Variants in RASGRF1 observed in about 807,000 individuals in gnomAD.
RASGRF1 encodes the protein Ras protein specific guanine nucleotide releasing factor 1.
RASGRF1 carries 40 observed loss-of-function variants against 138.7 expected under a neutral mutation model. The ratio of observed to expected loss-of-function variants is 0.29; its 90% CI spans 0.22 to 0.38. RASGRF1 has a LOEUF of 0.38. Among genes scored for constraint, RASGRF1 ranks in the 10% least tolerant of loss-of-function variants. The pLI, the probability that RASGRF1 is intolerant of heterozygous loss-of-function variation, is 1.00. For synonymous variants in RASGRF1, 614 were observed against 663.2 expected, an observed-to-expected ratio of 0.93 and a Z score of 1.14; for missense variants, 1,108 against 1,650.4, an observed-to-expected ratio of 0.67 and a Z score of 5.69.
intron 6 of RASGRF1, among the ~76,000 whole-genome samples, chr15:79,033,425 G>GT (rs1053632076): frequency 1.3e-5 from 2 of 151,396 alleles, no homozygotes; most frequent in Non-Finnish European, 2.9e-5. Flanking sequence ...GAATTTTTGT[G>GT]TTTTTTGTAG....
intron 13 of RASGRF1, among the ~76,000 whole-genome samples, chr15:79,010,018 C>T (rs1257025700): frequency 6.6e-6 from 1 of 150,942 alleles, no homozygotes; most frequent in Admixed American, 6.6e-5. Context: ...CCACTGCACC[C>T]AGCCTCTTTG....
intron 14 of RASGRF1, 102 bp from the exon 15 acceptor site, chr15:79,004,277 T>G: frequency 7.3e-7 from 1 of 1,378,838 alleles, no homozygotes; most frequent in South Asian, 1.4e-5. Context: ...CAGCAACGGC[T>G]CCATCATTCT....
chr15:79,082,300 T>C (rs2057924506), intron 1 of RASGRF1, among the ~76,000 whole-genome samples: 1 of 152,178 alleles, frequency 6.6e-6, no homozygotes. Context: ...TCACCCTGTC[T>C]AGTGAACTGT....
At chr15:79,016,324 G>A (rs1008581418) in intron 12 of RASGRF1, among the ~76,000 whole-genome samples, 5 of 152,228 alleles carry the variant, frequency 3.3e-5, no homozygotes, top group African/African-American at 1.2e-4. Context: ...GCAAGGCCAC[G>A]ACCCCAAAGA....
intron 24 of RASGRF1, chr15:78,979,097 T>C (rs1276495339): frequency 7.8e-7 from 1 of 1,289,768 alleles, no homozygotes; most frequent in Non-Finnish European, 1.0e-6. Context: ...GACGGACAAG[T>C]TGGTGAATGC....
intron 24 of RASGRF1, among the ~76,000 whole-genome samples, chr15:78,975,106 G>A (rs1231798315): frequency 6.6e-6 from 1 of 152,164 alleles, no homozygotes; most frequent in African/African-American, 2.4e-5. Context: ...GTGAAAAAGG[G>A]CCGAGTGGTG....
chr15:79,090,556 C>G lies in RASGRF1; in HGVS notation c.-58G>C. ...TACATCTTCTCCGCGCAGCAGCCCCCCGTCCGTGCGCGCTGCGCGCTGCCT... is the reference window on the plus strand; with the variant it reads ...TACATCTTCTCCGCGCAGCAGCCCCGCGTCCGTGCGCGCTGCGCGCTGCCT... On this transcript the variant is annotated 5_prime_UTR_variant, in exon 1 of 27. Coordinates refer to ENST00000558480, the MANE Select transcript of RASGRF1 (RefSeq NM_001145648.3). 6.3e-7 allele frequency: 1 copy of G among 1,578,860 alleles called. No homozygotes were observed. Among genetic ancestry groups the G allele is most frequent in the Non-Finnish European group, 8.6e-7 (1 of 1,164,354 alleles).
chr15:78,984,240 G>A (rs2141635032), intron 23 of RASGRF1, among the ~76,000 whole-genome samples: 1 of 152,262 alleles, frequency 6.6e-6, no homozygotes, highest in Non-Finnish European at 1.5e-5. Flanking sequence ...TTGTGCTTGG[G>A]GGCTTGCCCT....
At chr15:79,086,612 C>A (rs2057984467) in intron 1 of RASGRF1, among the ~76,000 whole-genome samples, 1 of 151,574 alleles carries the variant, frequency 6.6e-6, no homozygotes, top group Non-Finnish European at 1.5e-5. Flanking sequence ...CCAACAACAT[C>A]AGGTTCTGAG....
chr15:79,035,101 T>C, intron 6 of RASGRF1, 30 bp downstream of exon 6: 3 of 1,583,776 alleles, frequency 1.9e-6, no homozygotes, highest in Non-Finnish European at 2.6e-6. Flanking sequence ...GGGACTTCTC[T>C]GGGGGCCGCA....
At chr15:79,011,287 C>G (rs2056790729) in intron 13 of RASGRF1, among the ~76,000 whole-genome samples, 1 of 151,978 alleles carries the variant, frequency 6.6e-6, no homozygotes, top group South Asian at 2.1e-4. Context: ...TTAAGAAAGT[C>G]AAATTGGGCC....
intron 8 of RASGRF1, among the ~76,000 whole-genome samples, chr15:79,031,130 G>C (rs1185878950): frequency 6.6e-6 from 1 of 152,212 alleles, no homozygotes; most frequent in Non-Finnish European, 1.5e-5. Context: ...TCCCTCTCCT[G>C]GGAGGTGTTG....
chr15:79,024,730 T>C (rs544488980), intron 10 of RASGRF1, among the ~76,000 whole-genome samples: 18 of 152,200 alleles, frequency 1.2e-4, no homozygotes, highest in Non-Finnish European at 2.5e-4. Context: ...TCCACCATGA[T>C]TGTGAGGCCT....
chr15:79,013,363 G>A (rs1218400708), intron 13 of RASGRF1, among the ~76,000 whole-genome samples: 1 of 152,206 alleles, frequency 6.6e-6, no homozygotes, highest in Non-Finnish European at 1.5e-5. Context: ...TTATCAACTT[G>A]TGCAGAGGCT....
chr15:79,059,035 G>A (rs1044503601), intron 2 of RASGRF1, among the ~76,000 whole-genome samples: 18 of 152,052 alleles, frequency 1.2e-4, no homozygotes, highest in African/African-American at 4.1e-4. Flanking sequence ...TAAAATAGGC[G>A]TCCGCCTCAT....
chr15:79,057,255 G>A lies in RASGRF1; in HGVS notation c.531+1079C>T, dbSNP rs542569948. Among the ~76,000 whole-genome samples the A allele has an allele frequency of 2.8e-3, 422 of 152,244 alleles. 1 individual carries two copies. The highest frequency in any genetic ancestry group is 5.2e-3 in the Non-Finnish European group (352 of 68,022). Reference sequence around the variant, plus strand: ...GGCTGGCAGTGCCAGGGTGCATTACGTGGGTGACTCAGAAGGAGCTCCTTG... The same window carrying A: ...GGCTGGCAGTGCCAGGGTGCATTACATGGGTGACTCAGAAGGAGCTCCTTG... On this transcript the variant is annotated intron_variant, in intron 3 of 26. Transcript: ENST00000558480.
intron 25 of RASGRF1, among the ~76,000 whole-genome samples, chr15:78,972,269 T>C (rs1306076047): frequency 6.6e-6 from 1 of 152,034 alleles, no homozygotes; most frequent in Non-Finnish European, 1.5e-5. Flanking sequence ...CTAATTTTTG[T>C]ATTTTTAGTA....
intron 11 of RASGRF1, 49 bp downstream of exon 11, chr15:79,019,992 G>A (rs765578412): frequency 3.1e-5 from 50 of 1,601,512 alleles, no homozygotes; most frequent in Non-Finnish European, 4.1e-5. Context: ...GTGAGCGTGT[G>A]TGTATCTGTG....
chr15:79,028,680 G>A (rs1041262228), intron 8 of RASGRF1, among the ~76,000 whole-genome samples: 5 of 152,104 alleles, frequency 3.3e-5, no homozygotes, highest in African/African-American at 1.2e-4. Context: ...GGTCTGGGGA[G>A]TGGGGAAGGG....
Sources: gnomAD v4.1 joint callset for allele counts (sites outside exome capture counted in the v4.1 genomes callset) on GRCh38, gnomAD v4.1.1 for gene constraint, MANE v1.5 for transcripts, NCBI Gene and HGNC (gene_info 2026-07-23, HGNC 2026-07-21) for gene names.